Variants in HR observed in about 807,000 individuals in gnomAD.
HR encodes the protein HR lysine demethylase and nuclear receptor corepressor, also known as lysine-specific demethylase hairless.
In HR, 83 loss-of-function variants were observed where a neutral mutation model predicts 128.6. That is an observed-to-expected ratio of 0.65 (90% CI 0.54 to 0.77). The LOEUF (loss-of-function observed/expected upper bound fraction) is 0.77. Ranked by LOEUF, HR falls within the 30% of genes least tolerant of loss-of-function variation. HR has a pLI of 0.00. For missense variants in HR, 1,490 were observed against 1,574.6 expected, an observed-to-expected ratio of 0.95 and a Z score of 0.91; for synonymous variants, 681 against 658.2, an observed-to-expected ratio of 1.03 and a Z score of -0.53.
intron 3 of HR, 42 bp from the exon 4 acceptor site, chr8:22,125,774 G>A (rs968527259): frequency 6.2e-7 from 1 of 1,608,948 alleles, no homozygotes; most frequent in Admixed American, 1.7e-5. Context: ...GGTTTCTTGG[G>A]CTGCTGAGAA....
intron 3 of HR, 32 bp downstream of exon 3, chr8:22,127,005 G>A (rs767607683): frequency 1.2e-5 from 13 of 1,068,444 alleles, no homozygotes; most frequent in South Asian, 2.6e-5. Context: ...CCCCTCCCAC[G>A]CAGGGCCTGC....
chr8:22,119,903 G>A lies in HR; in HGVS notation c.2847-13C>T, dbSNP rs374695541. 5 of 1,613,112 alleles carry A rather than the reference G, an allele frequency of 3.1e-6. No homozygotes were observed. The highest frequency in any genetic ancestry group is 4.2e-6 in the Non-Finnish European group (5 of 1,179,956). On this transcript the variant is annotated splice_polypyrimidine_tract_variant and intron_variant, in intron 13 of 18. Coordinates refer to ENST00000381418, the MANE Select transcript of HR (RefSeq NM_005144.5). ...TAGGTTCTCCACCCTGTCAGGGTAGGGGGTCATGCCCAGCAGGCCCAACCT... is the reference window on the plus strand; with the variant it reads ...TAGGTTCTCCACCCTGTCAGGGTAGAGGGTCATGCCCAGCAGGCCCAACCT...
chr8:22,119,036 GC>G lies in HR; in HGVS notation c.3126del (p.Leu1043SerfsTer62). 6.2e-7 allele frequency: 1 copy of G among 1,613,314 alleles called. No homozygotes were observed. Among genetic ancestry groups the G allele is most frequent in the Non-Finnish European group, 8.5e-7 (1 of 1,179,930 alleles). ...KDFLSGLDGE[G>X]LWSPGSQVST... ...CTGACCTGGCTGCCCGGAGACCAGAGCCCCTCCCCGTCCAGGCCTGAAAGGA... is the reference window on the plus strand; with the variant it reads ...CTGACCTGGCTGCCCGGAGACCAGAGCCCTCCCCGTCCAGGCCTGAAAGGA... On this transcript the variant is annotated frameshift_variant, in exon 16 of 19. Transcript: ENST00000381418. LOFTEE classifies it high-confidence loss of function.
chr8:22,125,226 G>A, intron 5 of HR, 85 bp downstream of exon 5: 3 of 1,399,394 alleles, frequency 2.1e-6, no homozygotes, highest in Non-Finnish European at 2.9e-6. Flanking sequence ...AGGTCTAGGA[G>A]CTGGCAGTGT....
chr8:22,120,556 G>A (rs749599102), intron 11 of HR, 49 bp from the exon 12 acceptor site: 24 of 1,608,340 alleles, frequency 1.5e-5, no homozygotes, highest in Admixed American at 6.7e-5. Flanking sequence ...CAGGGTGCCC[G>A]CCATGGCCAG....
At chr8:22,126,205 A>G (rs934200535) in intron 3 of HR, among the ~76,000 whole-genome samples, 1 of 152,214 alleles carries the variant, frequency 6.6e-6, no homozygotes, top group Non-Finnish European at 1.5e-5. Context: ...GGGGCCAACA[A>G]ATTCCCAGCC....
rs745393302 is a variant in HR at position 22,121,108 on chromosome 8, C to G, written c.2324G>C (p.Arg775Pro). 6.2e-7 allele frequency: 1 copy of G among 1,613,846 alleles called. No homozygotes were observed. ...TAVKLCLGHE[R>P]IHMAFAPVTP... ...GACGGGGGCGAAGGCCATGTGTATT[C>G]GCTCATGGCCCAAGCAGAGTTTGAC... is the stretch of plus-strand genomic sequence containing the variant. The change falls in exon 10 of 19, where the codon CGA becomes CCA. Residue 775 changes from arginine (R) to proline (P), a missense_variant. By Grantham distance (103) the Arg-to-Pro change is moderately radical. Transcript: ENST00000381418.
chr8:22,120,466 G>A lies in HR; in HGVS notation c.2652C>T (p.Asn884=). ...VSGIQRTLQG[N]LWGTEALGAL... is the part of the protein sequence containing the mutation. Reference sequence around the variant, plus strand: ...CCCCAAGAGCTTCTGTCCCCCACAGGTTGCCCTGCAATGTCCTTTGGATCC... The same window carrying A: ...CCCCAAGAGCTTCTGTCCCCCACAGATTGCCCTGCAATGTCCTTTGGATCC... Residue 884 remains asparagine (N), a synonymous_variant, in exon 12 of 19, where the codon AAC becomes AAT. Transcript: ENST00000381418. 1 of 1,614,042 alleles carries A rather than the reference G, an allele frequency of 6.2e-7. No individual in the cohort carries two copies. The highest frequency in any genetic ancestry group is 8.5e-7 in the Non-Finnish European group (1 of 1,180,034).
At chr8:22,118,721 A>G (rs1163195759) in intron 16 of HR, 1 of 583,726 alleles carries the variant, frequency 1.7e-6, no homozygotes, top group Non-Finnish European at 3.1e-6. Context: ...TCATTTCATC[A>G]TCGGGTCCAG....
chr8:22,122,521 AC>A lies in HR; in HGVS notation c.2092del (p.Val698TyrfsTer204). Reference protein sequence around the residue: ...GHCPCQADARVWAPGDAGQQK... With the variant: ...GHCPCQADARXWAPGDAGQQK... ...CTGGCCTGCATCCCCGGGGGCCCAT[AC>A]CCGGGCATCAGCTTGGCAGGGGCAG... On this transcript the variant is annotated frameshift_variant, in exon 8 of 19. Transcript: ENST00000381418. LOFTEE classifies it high-confidence loss of function. 6.2e-7 allele frequency: 1 copy of A among 1,610,628 alleles called. No homozygotes were observed. Among genetic ancestry groups the A allele is most frequent in the Non-Finnish European group, 8.5e-7 (1 of 1,178,934 alleles).
At position 22,128,830 on chromosome 8, in the gene HR, G is replaced by A. The variant is rs146503404; in HGVS notation, c.341C>T (p.Ala114Val). ...CAGGGGGCCACAGCGAGGTGGGCACGCTGGCCCGCAGAATGCCAGCGGATG... is the reference window on the plus strand; with the variant it reads ...CAGGGGGCCACAGCGAGGTGGGCACACTGGCCCGCAGAATGCCAGCGGATG... ...LTHPLAFCGP[A>V]CPPRCGPLMP... The change falls in exon 2 of 19, where the codon GCG becomes GTG. Residue 114 changes from alanine to valine, a missense_variant. By Grantham distance (64) the Ala-to-Val change is moderately conservative. Transcript: ENST00000381418. The A allele has an allele frequency of 9.5e-5, 153 of 1,613,212 alleles. No individual in the cohort carries two copies. The highest frequency in any genetic ancestry group is 1.1e-4 in the Non-Finnish European group (134 of 1,180,000).
At position 22,129,331 on chromosome 8, in the gene HR, C is replaced by T. The variant is rs1586388769; in HGVS notation, c.-40-121G>A. 1.1e-5 allele frequency: 8 copies of T among 752,622 alleles called. No homozygotes were observed. The East Asian group carries it at 2.0e-4, about 18-fold the overall frequency. 46.6% of individuals were successfully genotyped at this position (752,622 alleles called of 1,614,324 possible). On this transcript the variant is annotated intron_variant, in intron 1 of 18. Coordinates refer to ENST00000381418, the MANE Select transcript of HR (RefSeq NM_005144.5). ...GCAGCTCAAACCAGTAAGGCAAGTG[C>T]CAGCCCACAACTGGGCACCATGCTG...
Position 22,129,196 on chromosome 8 carries a change from C to G in HR, c.-26G>C. ...CACTCTCCTGCCCTCATGGGGCTCT[C>G]CCAGAGGGGGGTCCCTGGAGCATAA... On this transcript the variant is annotated 5_prime_UTR_variant, in exon 2 of 19. Transcript: ENST00000381418. 6.6e-7 allele frequency: 1 copy of G among 1,517,814 alleles called. No individual in the cohort carries two copies. Among genetic ancestry groups the G allele is most frequent in the South Asian group, 1.3e-5 (1 of 74,970 alleles). The allele number at this position is 1,517,814 out of a possible 1,614,324, so 94.0% of individuals were successfully genotyped here.
At chr8:22,119,719 G>A in intron 14 of HR, 41 bp downstream of exon 14, 1 of 1,577,108 alleles carries the variant, frequency 6.3e-7, no homozygotes, top group Non-Finnish European at 8.6e-7. Flanking sequence ...AGGCAGACAG[G>A]CATGGGAGTA....
rs1255241391 is a variant in HR, at chr8:22,130,511, CG to C, written c.-125del. The C allele has an allele frequency of 6.6e-6, 1 of 152,228 alleles. No homozygotes were observed. Among genetic ancestry groups the C allele is most frequent in the East Asian group, 1.9e-4 (1 of 5,184 alleles). 9.4% of individuals were successfully genotyped at this position (152,228 alleles called of 1,614,324 possible). A position where few individuals can be genotyped will look rare whatever the true frequency, so the allele number is the denominator to read the frequency against. On this transcript the variant is annotated 5_prime_UTR_variant, in exon 1 of 19. Transcript: ENST00000381418. Reference sequence around the variant, plus strand: ...GCGCCTGCTCCCCATGGGCCAGCTCCGGGGCCTCCCGGCCGGCGGGCGAGGA... The same window carrying C: ...GCGCCTGCTCCCCATGGGCCAGCTCCGGGCCTCCCGGCCGGCGGGCGAGGA...
intron 6 of HR, 32 bp downstream of exon 6, chr8:22,123,617 T>TTGG: frequency 1.5e-4 from 44 of 292,062 alleles, no homozygotes; most frequent in Non-Finnish European, 2.6e-4. Flanking sequence ...GAGGGCTCCA[T>TTGG]CCCGCCCTCC....
chr8:22,120,606 C>T, intron 11 of HR, 99 bp from the exon 12 acceptor site: 1 of 1,584,490 alleles, frequency 6.3e-7, no homozygotes, highest in Non-Finnish European at 8.6e-7. Flanking sequence ...AGCTCGGGGA[C>T]AGCCCTCCTG....
chr8:22,120,511 T>C lies in HR; in HGVS notation c.2611-4A>G. On this transcript the variant is annotated splice_region_variant and splice_polypyrimidine_tract_variant and intron_variant, in intron 11 of 18. Coordinates refer to ENST00000381418, the MANE Select transcript of HR (RefSeq NM_005144.5). ...GGATCCCTGACACCAACACAGGCTG[T>C]GGTGGGAAAGGAAGGAGGCCATGAG... 1 of 1,613,490 alleles carries C rather than the reference T, an allele frequency of 6.2e-7. No homozygotes were observed. Among genetic ancestry groups the C allele is most frequent in the Non-Finnish European group, 8.5e-7 (1 of 1,179,966 alleles).
At chr8:22,115,934 C>T (rs1197236023) in intron 18 of HR, among the ~76,000 whole-genome samples, 172 bp from the exon 19 acceptor site, 2 of 152,018 alleles carry the variant, frequency 1.3e-5, no homozygotes, top group East Asian at 1.9e-4. Context: ...AGTTCAAGAC[C>T]GGTCTGGCCA....
Sources: allele counts gnomAD v4.1 joint callset (sites outside exome capture counted in the v4.1 genomes callset), GRCh38; gene constraint gnomAD v4.1.1; transcripts MANE v1.5; gene names NCBI Gene and HGNC (gene_info 2026-07-23, HGNC 2026-07-21).